The following DOK6 variants were observed in gnomAD, a reference collection of about 807,000 sequenced individuals.
DOK6 encodes downstream of tyrosine kinase 6.
DOK6 carries 22 observed loss-of-function variants against 44.0 expected under a neutral mutation model. The ratio of observed to expected loss-of-function variants is 0.50; its 90% confidence interval spans 0.36 to 0.71. DOK6 has a LOEUF of 0.71. DOK6 is among the 30% of genes least tolerant of loss of function. DOK6 has a pLI of 0.00. For synonymous variants in DOK6, 166 were observed against 145.5 expected (o/e 1.14, Z -1.01); for missense variants, 340 against 416.4 (o/e 0.82, Z 1.60).
At chr18:69,752,542 A>C (rs892378418) in intron 6 of DOK6, among the ~76,000 whole-genome samples, 1 of 152,190 alleles carries the variant, frequency 6.6e-6, no homozygotes, top group African/African-American at 2.4e-5. Context: ...AGTCCTTTGT[A>C]TTATTCAGGG....
intron 7 of DOK6, among the ~76,000 whole-genome samples, chr18:69,794,717 G>A (rs886198443): frequency 6.6e-6 from 1 of 152,174 alleles, no homozygotes; most frequent in Admixed American, 6.5e-5. Flanking sequence ...GCAAGCTAGT[G>A]AAGCTTCATT....
At chr18:69,487,417 A>G (rs1008518085) in intron 1 of DOK6, among the ~76,000 whole-genome samples, 1 of 152,182 alleles carries the variant, frequency 6.6e-6, no homozygotes, top group Non-Finnish European at 1.5e-5. Context: ...ATTGAGGACA[A>G]CTGGGGCAAA....
At chr18:69,830,403 A>G (rs748042499) in intron 7 of DOK6, among the ~76,000 whole-genome samples, 2 of 152,186 alleles carry the variant, frequency 1.3e-5, no homozygotes, top group Admixed American at 6.5e-5. Context: ...CTCATCTGAT[A>G]CAACTGGTGT....
At chr18:69,631,394 A>C (rs374874793) in intron 3 of DOK6, among the ~76,000 whole-genome samples, 2 of 95,888 alleles carry the variant, frequency 2.1e-5, no homozygotes, top group Non-Finnish European at 5.2e-5. Context: ...ATACCATCAG[A>C]TAACGTGTGA....
intron 7 of DOK6, among the ~76,000 whole-genome samples, chr18:69,758,093 G>A (rs1979419749): frequency 6.6e-6 from 1 of 152,200 alleles, no homozygotes; most frequent in Non-Finnish European, 1.5e-5. Context: ...TACTGTGAGG[G>A]CTAAGGACCC....
intron 5 of DOK6, among the ~76,000 whole-genome samples, chr18:69,732,080 T>A (rs1978425082): frequency 6.6e-6 from 1 of 152,222 alleles, no homozygotes; most frequent in Non-Finnish European, 1.5e-5. Context: ...GTTTCTTTTA[T>A]AATTTGTTTT....
At chr18:69,438,429 A>C (rs920904183) in intron 1 of DOK6, among the ~76,000 whole-genome samples, 7 of 152,230 alleles carry the variant, frequency 4.6e-5, no homozygotes, top group Admixed American at 3.3e-4. Context: ...TTTAGGTTCC[A>C]CTTCTAATTT....
In DOK6 at chr18:69,800,204, G is replaced by T. The variant is rs1980862631; in HGVS notation, c.857-41040G>T. 3.3e-5 allele frequency among the ~76,000 whole-genome samples: 5 copies of T among 152,044 alleles called. No individual in the cohort carries two copies. The South Asian group carries it at 8.3e-4, about 25-fold the overall frequency. On this transcript the variant is annotated intron_variant, in intron 7 of 7. Coordinates refer to ENST00000382713, the MANE Select transcript of DOK6 (RefSeq NM_152721.6). The stretch of plus-strand genomic sequence containing the variant: ...ATCTATGGATTTACCTAATTTCAGA[G>T]TATTTTAATATTTTCCTTTAGATAC...
chr18:69,462,023 C>A (rs935213848), intron 1 of DOK6, among the ~76,000 whole-genome samples: 10 of 152,172 alleles, frequency 6.6e-5, no homozygotes, highest in Non-Finnish European at 8.8e-5. Flanking sequence ...AAAAGGAAGA[C>A]AAATTCCCTT....
At chr18:69,747,592 C>T (rs981746478) in intron 6 of DOK6, among the ~76,000 whole-genome samples, 1 of 150,730 alleles carries the variant, frequency 6.6e-6, no homozygotes, top group African/African-American at 2.5e-5. Context: ...CTTTCCGCTC[C>T]GCCCCCTCCC....
intron 1 of DOK6, among the ~76,000 whole-genome samples, chr18:69,471,277 A>G (rs1980097775): frequency 6.7e-6 from 1 of 149,548 alleles, no homozygotes; most frequent in Non-Finnish European, 1.5e-5. Flanking sequence ...AAAAAAAAAA[A>G]AAGGGGTGAT....
At chr18:69,683,081 A>G (rs1477322250) in intron 4 of DOK6, among the ~76,000 whole-genome samples, 2 of 152,122 alleles carry the variant, frequency 1.3e-5, no homozygotes, top group African/African-American at 2.4e-5. Context: ...ACTTATATAC[A>G]TATTCTTTAT....
intron 1 of DOK6, among the ~76,000 whole-genome samples, chr18:69,547,057 A>G (rs1322815933): frequency 6.6e-6 from 1 of 151,460 alleles, no homozygotes; most frequent in Non-Finnish European, 1.5e-5. Context: ...AAGCAGGAAC[A>G]AGAGAGATAG....
At chr18:69,726,210 G>A (rs191445725) in intron 5 of DOK6, among the ~76,000 whole-genome samples, 11 of 151,914 alleles carry the variant, frequency 7.2e-5, no homozygotes, top group African/African-American at 2.2e-4. Flanking sequence ...CCTCTTTCTC[G>A]CTTCTTTGGC....
intron 3 of DOK6, chr18:69,661,556 C>G (rs1985527521): frequency 6.6e-6 from 1 of 152,126 alleles, no homozygotes; most frequent in African/African-American, 2.4e-5. Flanking sequence ...AATGGTGGAG[C>G]CTCCTTCCTA....
At chr18:69,765,128 A>G (rs1979678600) in intron 7 of DOK6, among the ~76,000 whole-genome samples, 1 of 152,184 alleles carries the variant, frequency 6.6e-6, no homozygotes, top group African/African-American at 2.4e-5. Flanking sequence ...CTCAGCAATG[A>G]CCTTCTGTCC....
intron 7 of DOK6, among the ~76,000 whole-genome samples, chr18:69,782,210 A>ATTT (rs10712475): frequency 9.2e-6 from 1 of 109,128 alleles, no homozygotes; most frequent in African/African-American, 3.3e-5. Flanking sequence ...GTGTTCTAAG[A>ATTT]TTTTTTTTTT....
In DOK6 at chr18:69,447,111, A is replaced by G. The variant is rs192096557; in HGVS notation, c.66+45801A>G. Among the ~76,000 whole-genome samples the G allele has an allele frequency of 6.0e-3, 921 of 152,260 alleles. 31 individuals are homozygous for G. The highest frequency in any genetic ancestry group is 0.056 in the Admixed American group (859 of 15,280). On this transcript the variant is annotated intron_variant, in intron 1 of 7. Coordinates refer to ENST00000382713, the MANE Select transcript of DOK6 (RefSeq NM_152721.6). Reference sequence around the variant, plus strand: ...TTGTTGCCATTGCTTTTGGTGTTTTAGACATGAAGTCCTTGCCCATGCCTA... The same window carrying G: ...TTGTTGCCATTGCTTTTGGTGTTTTGGACATGAAGTCCTTGCCCATGCCTA...
chr18:69,703,293 T>C (rs1378699173), intron 5 of DOK6, among the ~76,000 whole-genome samples: 2 of 152,246 alleles, frequency 1.3e-5, no homozygotes, highest in Non-Finnish European at 2.9e-5. Flanking sequence ...TATTATGATT[T>C]AAATCTTTTT....
Sources: gnomAD v4.1 joint callset for allele counts (sites outside exome capture counted in the v4.1 genomes callset) on GRCh38, gnomAD v4.1.1 for gene constraint, MANE v1.5 for transcripts, NCBI Gene and HGNC (gene_info 2026-07-23, HGNC 2026-07-21) for gene names.